The following PSME3IP1 variants were observed in gnomAD, a reference collection of about 807,000 sequenced individuals.
PSME3IP1 encodes the protein proteasome activator subunit 3 interacting protein 1.
In PSME3IP1, 13 loss-of-function variants were observed where a neutral mutation model predicts 34.1. That is an observed-to-expected ratio of 0.38 (90% CI 0.25 to 0.61). The LOEUF (loss-of-function observed/expected upper bound fraction) is 0.61, where lower values mean the gene tolerates loss of function less well. Ranked by LOEUF, PSME3IP1 falls within the 20% of genes least tolerant of loss-of-function variation. The pLI is 0.60. For missense variants in PSME3IP1, 237 were observed against 301.4 expected, an observed-to-expected ratio of 0.79 and a Z score of 1.58; for synonymous variants, 93 against 114.3, an observed-to-expected ratio of 0.81 and a Z score of 1.19.
intron 1 of PSME3IP1, among the ~76,000 whole-genome samples, chr16:57,182,934 A>C (rs2073864890): frequency 6.6e-6 from 1 of 152,178 alleles, no homozygotes; most frequent in African/African-American, 2.4e-5. Context: ...TTTTGAAGCA[A>C]ATATTTACCG....
chr16:57,172,990 T>A (rs1456855772), intron 2 of PSME3IP1, 116 bp from the exon 3 acceptor site: 1 of 715,836 alleles, frequency 1.4e-6, no homozygotes, highest in East Asian at 2.8e-5. Flanking sequence ...AGTCTCTGCA[T>A]GATCTGAGGG....
At chr16:57,170,774 T>C (rs1016565657) in intron 4 of PSME3IP1, among the ~76,000 whole-genome samples, 3 of 152,148 alleles carry the variant, frequency 2.0e-5, no homozygotes, top group African/African-American at 7.2e-5. Flanking sequence ...GACAAATCTA[T>C]AAAAAATGAT....
At chr16:57,161,276 G>C (rs2071193875) in intron 6 of PSME3IP1, among the ~76,000 whole-genome samples, 1 of 152,204 alleles carries the variant, frequency 6.6e-6, no homozygotes, top group African/African-American at 2.4e-5. Flanking sequence ...CAAAGCTATA[G>C]TGATCAAGAC....
rs767567512 is a variant in PSME3IP1, at chr16:57,153,302, AGGGCAGCACCT to A, written c.*977_*987del. The A allele has an allele frequency of 1.2e-4, 18 of 152,262 alleles. No homozygotes were observed. Among genetic ancestry groups the A allele is most frequent in the Non-Finnish European group, 1.8e-4 (12 of 68,052 alleles). 9.4% of individuals were successfully genotyped at this position (152,262 alleles called of 1,614,324 possible). On this transcript the variant is annotated 3_prime_UTR_variant, in exon 7 of 7. Transcript: ENST00000309137. Reference sequence around the variant, plus strand: ...AGCAGAGGCAGCAAAGAAAAGTACTAGGGCAGCACCTTTAGGTTAGAAATAGATTCCACAGT... The same window carrying A: ...AGCAGAGGCAGCAAAGAAAAGTACTATTAGGTTAGAAATAGATTCCACAGT...
intron 4 of PSME3IP1, among the ~76,000 whole-genome samples, chr16:57,170,362 C>T (rs2072425457): frequency 6.6e-6 from 1 of 152,176 alleles, no homozygotes; most frequent in Non-Finnish European, 1.5e-5. Context: ...GAATCAAAGG[C>T]GTGAGCCACT....
chr16:57,179,118 T>TA (rs2073461999), intron 1 of PSME3IP1, among the ~76,000 whole-genome samples: 1 of 152,268 alleles, frequency 6.6e-6, no homozygotes, highest in Non-Finnish European at 1.5e-5. Flanking sequence ...ACTTTGTCCT[T>TA]ACTGTGTTCC....
chr16:57,156,160 T>G (rs1317069715), intron 6 of PSME3IP1, among the ~76,000 whole-genome samples: 1 of 152,208 alleles, frequency 6.6e-6, no homozygotes. Flanking sequence ...CCCATTTTAC[T>G]GATGAGGAAA....
intron 4 of PSME3IP1, among the ~76,000 whole-genome samples, chr16:57,170,118 C>G (rs1406613033): frequency 7.0e-6 from 1 of 143,410 alleles, no homozygotes; most frequent in Non-Finnish European, 1.5e-5. Context: ...AAGTCTTGCT[C>G]TGTCCCCAGC....
intron 6 of PSME3IP1, among the ~76,000 whole-genome samples, chr16:57,162,693 G>A (rs1002015262): frequency 4.7e-5 from 7 of 150,512 alleles, no homozygotes; most frequent in South Asian, 2.1e-4. Context: ...AATTGTTGAC[G>A]GTCTTTCCTG....
intron 5 of PSME3IP1, among the ~76,000 whole-genome samples, chr16:57,165,390 A>G (rs528653553): frequency 6.6e-6 from 1 of 152,200 alleles, no homozygotes; most frequent in Non-Finnish European, 1.5e-5. Flanking sequence ...TCAGATGCTC[A>G]TAACTAAAAA....
At chr16:57,158,524 G>T (rs2070835615) in intron 6 of PSME3IP1, among the ~76,000 whole-genome samples, 1 of 152,140 alleles carries the variant, frequency 6.6e-6, no homozygotes. Context: ...GGAGGTGAAG[G>T]TTGCTGTGAG....
chr16:57,165,603 C>T lies in PSME3IP1; in HGVS notation c.482+1490G>A, dbSNP rs759606448. ...ATCACTCATGGAACTTTGAAAACTA[C>T]GACTCCCAGACTTCACTTCAAACTT... On this transcript the variant is annotated intron_variant, in intron 5 of 6. Transcript: ENST00000309137. Among the ~76,000 whole-genome samples the T allele has an allele frequency of 6.6e-5, 10 of 152,134 alleles. No individual in the cohort carries two copies. In the South Asian group the frequency reaches 8.3e-4, roughly 13 times the overall value.
At chr16:57,162,664 C>CAA (rs773301974) in intron 6 of PSME3IP1, among the ~76,000 whole-genome samples, 19 of 55,628 alleles carry the variant, frequency 3.4e-4, no homozygotes, top group East Asian at 2.2e-3. Context: ...GACCCTGTCT[C>CAA]AAAAAAAAAA....
At position 57,167,148 on chromosome 16, in the gene PSME3IP1, TTTC is replaced by T; in HGVS notation, c.424_426del (p.Glu142del). 1 of 1,614,222 alleles carries T rather than the reference TTTC, an allele frequency of 6.2e-7. No homozygotes were observed. Among genetic ancestry groups the T allele is most frequent in the East Asian group, 2.2e-5 (1 of 44,882 alleles). On this transcript the variant is annotated inframe_deletion, in exon 5 of 7. Coordinates refer to ENST00000309137, the MANE Select transcript of PSME3IP1 (RefSeq NM_024946.4). ...TTCGCCTGGGAGAACTTGTTCTTGG[TTTC>T]TATAGGCTTCACAGTCAGTTTCTTT...
Position 57,154,010 on chromosome 16 carries a change from T to C in PSME3IP1, c.*280A>G, listed in dbSNP as rs2070212842. The C allele has an allele frequency of 2.5e-6, 1 of 394,200 alleles. No individual in the cohort carries two copies. Among genetic ancestry groups the C allele is most frequent in the Non-Finnish European group, 4.6e-6 (1 of 218,144 alleles). 24.4% of individuals were successfully genotyped at this position (394,200 alleles called of 1,614,324 possible). A position where few individuals can be genotyped will look rare whatever the true frequency, so the allele number is the denominator to read the frequency against. ...GGTGCCTATTCTCCTGGGGCATTTT[T>C]AGTGGAACTTCGGCTGGGCCTTGCC... On this transcript the variant is annotated 3_prime_UTR_variant, in exon 7 of 7. Coordinates refer to ENST00000309137, the MANE Select transcript of PSME3IP1 (RefSeq NM_024946.4). The surrounding 1 kb of genome is among the most constrained non-coding windows in gnomAD (Gnocchi z 4.0).
intron 1 of PSME3IP1, chr16:57,175,559 T>C (rs2073098863): frequency 6.6e-6 from 1 of 152,250 alleles, no homozygotes; most frequent in Non-Finnish European, 1.5e-5. Flanking sequence ...ATTCCTTTTA[T>C]GGATATTATC....
rs2071977872 is a variant in PSME3IP1 at position 57,167,132 on chromosome 16, G to A, written c.443C>T (p.Ser148Phe). 1.9e-6 allele frequency: 3 copies of A among 1,613,960 alleles called. No homozygotes were observed. In the African/African-American group the frequency reaches 4.0e-5, roughly 22 times the overall value. Residue 148 changes from serine to phenylalanine, a missense_variant, in exon 5 of 7, where the codon TCC (serine) becomes TTC (phenylalanine). Transcript: ENST00000309137. Reference sequence around the variant, plus strand: ...AGCTCCTGCCAACAGCTTCGCCTGGGAGAACTTGTTCTTGGTTTCTATAGG... The same window carrying A: ...AGCTCCTGCCAACAGCTTCGCCTGGAAGAACTTGTTCTTGGTTTCTATAGG... Reference protein sequence around the residue: ...VKPIETKNKFSQAKLLAGAVK... With the variant: ...VKPIETKNKFFQAKLLAGAVK...
chr16:57,178,078 A>G (rs1242560876), intron 1 of PSME3IP1, among the ~76,000 whole-genome samples: 1 of 152,276 alleles, frequency 6.6e-6, no homozygotes, highest in Non-Finnish European at 1.5e-5. Flanking sequence ...GCCAAGTTAG[A>G]TGGACACACA....
intron 6 of PSME3IP1, among the ~76,000 whole-genome samples, chr16:57,163,727 G>A (rs1471625208): frequency 1.3e-5 from 2 of 152,234 alleles, no homozygotes; most frequent in African/African-American, 4.8e-5. Flanking sequence ...GGTATGACCA[G>A]GGCCTGGTAA....
Sources: allele counts gnomAD v4.1 joint callset (sites outside exome capture counted in the v4.1 genomes callset), GRCh38; gene constraint gnomAD v4.1.1; non-coding constraint Gnocchi (gnomAD v3.1); transcripts MANE v1.5; gene names NCBI Gene and HGNC (gene_info 2026-07-23, HGNC 2026-07-21).